Variants in PKHD1L1 observed in about 807,000 individuals in gnomAD.
PKHD1L1 encodes the protein fibrocystin-L.
In PKHD1L1, 434 loss-of-function variants were observed where a neutral mutation model predicts 462.9. The ratio of observed to expected loss-of-function variants is 0.94; its 90% CI spans 0.87 to 1.02. PKHD1L1 has a LOEUF of 1.02. PKHD1L1 is among the 50% of genes least tolerant of loss of function. The pLI is 0.00. For synonymous variants in PKHD1L1, 1,781 were observed against 1,750.0 expected, an observed-to-expected ratio of 1.02 and a Z score of -0.44; for missense variants, 5,202 against 5,096.1, an observed-to-expected ratio of 1.02 and a Z score of -0.63.
Position 109,530,780 on chromosome 8 carries a change from C to CA in PKHD1L1, c.*694dup, listed in dbSNP as rs1340398260. 6.6e-6 allele frequency among the ~76,000 whole-genome samples: 1 copy of CA among 152,122 alleles called. No homozygotes were observed. Among genetic ancestry groups the CA allele is most frequent in the Non-Finnish European group, 1.5e-5 (1 of 68,022 alleles). ...TCTCTGCCTACCCCTCCTTCCCACT[C>CA]AAAACTGCCACTACTAAGAGCAGGA... On this transcript the variant is annotated 3_prime_UTR_variant, in exon 78 of 78. Transcript: ENST00000378402.
chr8:109,476,911 G>C (rs945431051), intron 52 of PKHD1L1, among the ~76,000 whole-genome samples: 1 of 151,992 alleles, frequency 6.6e-6, no homozygotes, highest in Non-Finnish European at 1.5e-5. Context: ...TATTTCATGG[G>C]CTTAGAGAAA....
chr8:109,362,498 C>CTTCGCA lies in PKHD1L1; in HGVS notation c.-83_-82insTTCGCA. The CTTCGCA allele has an allele frequency of 7.4e-7, 1 of 1,354,882 alleles. No individual in the cohort carries two copies. The highest frequency in any genetic ancestry group is 1.0e-6 in the Non-Finnish European group (1 of 971,078). 83.9% of individuals were successfully genotyped at this position (1,354,882 alleles called of 1,614,324 possible). On this transcript the variant is annotated 5_prime_UTR_variant, in exon 1 of 78. Coordinates refer to ENST00000378402, the MANE Select transcript of PKHD1L1 (RefSeq NM_177531.6). ...TCCCGGGACGAAGCGGGCCCGCCAGCGAGTCGCAGTCCCAGGAGCCGAGCT... is the reference window on the plus strand; with the variant it reads ...TCCCGGGACGAAGCGGGCCCGCCAGCTTCGCAGAGTCGCAGTCCCAGGAGCCGAGCT...
In PKHD1L1 at chr8:109,530,099, TC is replaced by T. The variant is rs1432275465; in HGVS notation, c.*11del. The T allele has an allele frequency of 7.4e-7, 1 of 1,357,662 alleles. No homozygotes were observed. Among genetic ancestry groups the T allele is most frequent in the Non-Finnish European group, 9.6e-7 (1 of 1,037,828 alleles). 84.1% of individuals were successfully genotyped at this position (1,357,662 alleles called of 1,614,324 possible). On this transcript the variant is annotated 3_prime_UTR_variant, in exon 78 of 78. Transcript: ENST00000378402. ...TTTCAGGAAGCTACTAAAGTGCTGT[TC>T]CGAAGAATAGGCTGAAACAAAAATA...
rs373939886 is a variant in PKHD1L1 at position 109,466,744 on chromosome 8, G to C, written c.8580G>C (p.Lys2860Asn). The part of the protein sequence containing the change: ...NQPSPVSLLE[K>N]DVVLSDSFGT... ...CTTCTCCAGTATCTCTGCTTGAAAA[G>C]GATGTGGTTCTTTCAGACTCTTTTG... Residue 2860 changes from lysine to asparagine, a missense_variant, in exon 50 of 78, where the codon AAG becomes AAC. Coordinates refer to ENST00000378402, the MANE Select transcript of PKHD1L1 (RefSeq NM_177531.6). 1 of 1,612,368 alleles carries C rather than the reference G, an allele frequency of 6.2e-7. No individual in the cohort carries two copies. The highest frequency in any genetic ancestry group is 1.7e-5 in the Admixed American group (1 of 59,726).
intron 68 of PKHD1L1, 53 bp from the exon 69 acceptor site, chr8:109,507,610 T>G: frequency 6.9e-7 from 1 of 1,451,512 alleles, no homozygotes. Flanking sequence ...TTCAAGTGTA[T>G]TCATATTGCT....
intron 30 of PKHD1L1, among the ~76,000 whole-genome samples, chr8:109,436,719 G>T (rs1815437218): frequency 6.6e-6 from 1 of 152,086 alleles, no homozygotes; most frequent in Non-Finnish European, 1.5e-5. Context: ...TATTTCATTT[G>T]AATTAATAGA....
At chr8:109,501,179 C>A (rs1165247842) in intron 67 of PKHD1L1, among the ~76,000 whole-genome samples, 1 of 152,098 alleles carries the variant, frequency 6.6e-6, no homozygotes, top group African/African-American at 2.4e-5. Context: ...TGCAGGTTGT[C>A]ATTTCCAAAG....
At chr8:109,368,867 C>T (rs540057407) in intron 2 of PKHD1L1, among the ~76,000 whole-genome samples, 13 of 152,254 alleles carry the variant, frequency 8.5e-5, no homozygotes, top group South Asian at 2.1e-4. Context: ...AATTTCCATC[C>T]GAAGCCTCAT....
At chr8:109,420,806 G>T in intron 23 of PKHD1L1, 116 bp downstream of exon 23, 1 of 772,618 alleles carries the variant, frequency 1.3e-6, no homozygotes, top group Non-Finnish European at 1.9e-6. Context: ...CTATTCTAAG[G>T]TTATATGAAG....
chr8:109,390,572 C>T, intron 9 of PKHD1L1, 78 bp downstream of exon 9: 1 of 814,222 alleles, frequency 1.2e-6, no homozygotes, highest in Non-Finnish European at 1.8e-6. Flanking sequence ...TTAGTTTGTG[C>T]TGTAGATGCA....
chr8:109,500,622 C>T (rs907242064), intron 67 of PKHD1L1, among the ~76,000 whole-genome samples: 6 of 138,730 alleles, frequency 4.3e-5, no homozygotes, highest in East Asian at 2.1e-4. Flanking sequence ...TGCAGTGAGC[C>T]GAGATCACAC....
At chr8:109,438,257 C>A (rs1484714756) in intron 30 of PKHD1L1, 67 bp from the exon 31 acceptor site, 2 of 1,153,866 alleles carry the variant, frequency 1.7e-6, no homozygotes, top group East Asian at 2.8e-5. Flanking sequence ...TAATCTATTT[C>A]TTTTCATCCC....
At chr8:109,508,414 G>T in intron 70 of PKHD1L1, 150 bp downstream of exon 70, 1 of 753,600 alleles carries the variant, frequency 1.3e-6, no homozygotes. Flanking sequence ...AATGCGCAGG[G>T]GAGAGACTTG....
chr8:109,449,543 A>G, intron 40 of PKHD1L1, 56 bp downstream of exon 40: 1 of 1,438,354 alleles, frequency 7.0e-7, no homozygotes, highest in East Asian at 2.5e-5. Flanking sequence ...TTTTATAAAG[A>G]TCAGTTAATT....
intron 9 of PKHD1L1, 99 bp downstream of exon 9, chr8:109,390,593 A>G: frequency 1.6e-6 from 1 of 613,362 alleles, no homozygotes. Flanking sequence ...GAGGTTTAAA[A>G]ATTAACTACT....
intron 76 of PKHD1L1, among the ~76,000 whole-genome samples, chr8:109,525,617 T>C (rs1820777110): frequency 6.6e-6 from 1 of 152,168 alleles, no homozygotes; most frequent in South Asian, 2.1e-4. Flanking sequence ...TTCTCCTCTA[T>C]GTGGTCTTTC....
At chr8:109,451,279 C>T in intron 41 of PKHD1L1, 130 bp downstream of exon 41, 1 of 997,390 alleles carries the variant, frequency 1.0e-6, no homozygotes, top group Middle Eastern at 3.4e-4. Context: ...GTAACTTAAG[C>T]TTAAGGCAAA....
chr8:109,480,941 G>A (rs1200853692), intron 55 of PKHD1L1, among the ~76,000 whole-genome samples: 2 of 151,852 alleles, frequency 1.3e-5, no homozygotes, highest in East Asian at 1.9e-4. Flanking sequence ...TCTCACCTGT[G>A]AAATAAGGAT....
At position 109,436,465 on chromosome 8, in the gene PKHD1L1, G is replaced by C. The variant is rs763459498; in HGVS notation, c.3627+6G>C. ...TAACCTGCAGGACACCAAAAGTAAG[G>C]CCTCTGATTTCAGTCACTTTTTCCT... On this transcript the variant is annotated splice_donor_region_variant and intron_variant, in intron 30 of 77. Coordinates refer to ENST00000378402, the MANE Select transcript of PKHD1L1 (RefSeq NM_177531.6). 3.7e-6 allele frequency: 6 copies of C among 1,610,980 alleles called. No individual in the cohort carries two copies. The highest frequency in any genetic ancestry group is 1.7e-4 in the Middle Eastern group (1 of 6,050).
Sources: gnomAD v4.1 joint callset for allele counts (sites outside exome capture counted in the v4.1 genomes callset) on GRCh38, gnomAD v4.1.1 for gene constraint, MANE v1.5 for transcripts, NCBI Gene and HGNC (gene_info 2026-07-23, HGNC 2026-07-21) for gene names.